The following CSMD3 variants were observed in gnomAD, a reference collection of about 807,000 sequenced individuals.
CSMD3 encodes the protein CUB and Sushi multiple domains 3.
CSMD3 carries 177 observed loss-of-function variants against 435.2 expected under a neutral mutation model. That is an observed-to-expected ratio of 0.41 (90% CI 0.36 to 0.46). The LOEUF is 0.46. Ranked by LOEUF, CSMD3 falls within the 20% of genes least tolerant of loss-of-function variation. The pLI is 0.34. For synonymous variants in CSMD3, 1,656 were observed against 1,520.5 expected (o/e 1.09, Z -2.07); for missense variants, 4,265 against 4,504.6 (o/e 0.95, Z 1.52).
chr8:112,245,424 A>T (rs967388884), intron 64 of CSMD3, among the ~76,000 whole-genome samples: 11 of 150,842 alleles, frequency 7.3e-5, no homozygotes, highest in Middle Eastern at 3.4e-3. Context: ...GTGGATAAAT[A>T]AAAAAAAACA....
intron 22 of CSMD3, among the ~76,000 whole-genome samples, chr8:112,605,917 C>A (rs1445121457): frequency 6.6e-6 from 1 of 152,100 alleles, no homozygotes; most frequent in Non-Finnish European, 1.5e-5. Flanking sequence ...TCCTGCCCTT[C>A]ATTCTAATAA....
At chr8:112,520,496 G>A (rs574716498) in intron 27 of CSMD3, among the ~76,000 whole-genome samples, 30 of 151,946 alleles carry the variant, frequency 2.0e-4, no homozygotes, top group African/African-American at 7.0e-4. Context: ...CCTACTAGTG[G>A]AACTCTGACA....
At chr8:112,413,488 G>C (rs182898929) in intron 32 of CSMD3, among the ~76,000 whole-genome samples, 117 of 152,230 alleles carry the variant, frequency 7.7e-4, no homozygotes, top group Admixed American at 2.6e-3. Flanking sequence ...CATCCCAAAT[G>C]TAAATCAATA....
chr8:113,354,271 G>A (rs1364297899), intron 1 of CSMD3, among the ~76,000 whole-genome samples: 1 of 152,008 alleles, frequency 6.6e-6, no homozygotes, highest in Admixed American at 6.6e-5. Flanking sequence ...ACTTAGTTTT[G>A]TACTCCTGAA....
intron 4 of CSMD3, among the ~76,000 whole-genome samples, chr8:113,142,573 A>G (rs924817723): frequency 7.3e-5 from 11 of 151,322 alleles, no homozygotes; most frequent in African/African-American, 2.2e-4. Context: ...CCAGAGTCAA[A>G]AAACAAAACA....
At chr8:112,829,885 GCA>G (rs57982384) in intron 11 of CSMD3, 96 bp from the exon 12 acceptor site, 25,108 of 597,118 alleles carry the variant, frequency 0.042, 226 homozygotes, top group Middle Eastern at 0.051. Context: ...TTGTCTCTCT[GCA>G]CACACACACA....
intron 41 of CSMD3, among the ~76,000 whole-genome samples, chr8:112,345,219 C>G (rs1825552508): frequency 6.6e-6 from 1 of 152,084 alleles, no homozygotes; most frequent in Non-Finnish European, 1.5e-5. Context: ...ACCACATGTG[C>G]CAACAATCCT....
At chr8:112,541,501 A>G (rs1012935024) in intron 27 of CSMD3, among the ~76,000 whole-genome samples, 3 of 151,768 alleles carry the variant, frequency 2.0e-5, no homozygotes, top group African/African-American at 4.8e-5. Flanking sequence ...ATAACTTAGG[A>G]AAAAAAGTGG....
chr8:112,388,489 A>G (rs1057078516), intron 36 of CSMD3, among the ~76,000 whole-genome samples: 9 of 152,210 alleles, frequency 5.9e-5, no homozygotes, highest in Non-Finnish European at 1.3e-4. Context: ...ACCGAGTAAG[A>G]GTCAGAAAAG....
chr8:113,252,870 G>A (rs547519389), intron 3 of CSMD3, among the ~76,000 whole-genome samples: 1 of 151,986 alleles, frequency 6.6e-6, no homozygotes, highest in Non-Finnish European at 1.5e-5. Flanking sequence ...AGATATTATG[G>A]AAGCCCCACA....
intron 28 of CSMD3, among the ~76,000 whole-genome samples, chr8:112,507,800 T>A (rs927094454): frequency 6.6e-6 from 1 of 152,144 alleles, no homozygotes; most frequent in Non-Finnish European, 1.5e-5. Flanking sequence ...TTTTCCATTG[T>A]CTTTTGTCTG....
rs1412837096 is a variant in CSMD3 at position 112,884,481 on chromosome 8, G to A, written c.1634-25215C>T. On this transcript the variant is annotated intron_variant, in intron 10 of 70. Coordinates refer to ENST00000297405, the MANE Select transcript of CSMD3 (RefSeq NM_198123.2). ...GATTAGATAATTGTTTTGTTATAGA[G>A]GGATGTCTTGTGCATTGCAGAATGC... Among the ~76,000 whole-genome samples, 11 of 151,662 alleles carry A rather than the reference G, an allele frequency of 7.3e-5. No individual in the cohort carries two copies. The South Asian group carries it at 1.7e-3, about 23-fold the overall frequency.
Position 113,010,305 on chromosome 8 carries a change from T to C in CSMD3, c.1030+8762A>G, listed in dbSNP as rs73349953. Among the ~76,000 whole-genome samples the C allele has an allele frequency of 8.3e-3, 1,253 of 151,828 alleles. 30 individuals are homozygous for C. Among genetic ancestry groups the C allele is most frequent in the African/African-American group, 0.029 (1,186 of 41,496 alleles). On this transcript the variant is annotated intron_variant, in intron 6 of 70. Transcript: ENST00000297405. ...GAAACTTTTTATCTAGAAGCTTTCTTGAAAAGGGAAGGAGGAAGTGATATA... is the reference window on the plus strand; with the variant it reads ...GAAACTTTTTATCTAGAAGCTTTCTCGAAAAGGGAAGGAGGAAGTGATATA...
chr8:112,532,080 C>T (rs952638754), intron 27 of CSMD3, among the ~76,000 whole-genome samples: 84 of 150,148 alleles, frequency 5.6e-4, no homozygotes, highest in Admixed American at 3.5e-3. Flanking sequence ...AATTGATGAA[C>T]TGATGAATGC....
intron 38 of CSMD3, among the ~76,000 whole-genome samples, chr8:112,360,268 A>G (rs1827059167): frequency 6.6e-6 from 1 of 151,944 alleles, no homozygotes; most frequent in African/African-American, 2.4e-5. Flanking sequence ...TACTCTATTC[A>G]GGGTCATATA....
intron 1 of CSMD3, among the ~76,000 whole-genome samples, chr8:113,364,413 A>G (rs1212631670): frequency 6.7e-6 from 1 of 149,768 alleles, no homozygotes; most frequent in African/African-American, 2.5e-5. Flanking sequence ...AGAACACTTG[A>G]AAAGAAAAAA....
At chr8:112,849,104 A>G (rs953533080) in intron 11 of CSMD3, among the ~76,000 whole-genome samples, 1 of 152,126 alleles carries the variant, frequency 6.6e-6, no homozygotes, top group Non-Finnish European at 1.5e-5. Context: ...ATTTCTTCCG[A>G]CAATTAAGAC....
chr8:113,061,637 T>C (rs1386127684), intron 5 of CSMD3, among the ~76,000 whole-genome samples: 2 of 152,118 alleles, frequency 1.3e-5, no homozygotes, highest in Non-Finnish European at 2.9e-5. Context: ...TAGGTACCCA[T>C]ATATTTTTGA....
rs567560264 is a variant in CSMD3 at position 112,486,699 on chromosome 8, T to C, written c.5278+5790A>G. Among the ~76,000 whole-genome samples the C allele has an allele frequency of 2.6e-5, 4 of 152,310 alleles. No homozygotes were observed. In the East Asian group the frequency reaches 7.7e-4, roughly 29 times the overall value. On this transcript the variant is annotated intron_variant, in intron 31 of 70. Coordinates refer to ENST00000297405, the MANE Select transcript of CSMD3 (RefSeq NM_198123.2). ...CTTCTTACTTATACTTTTAAAATTC[T>C]GTTTACATATCACTTTCATAAGGAA...
Sources: allele counts gnomAD v4.1 joint callset (sites outside exome capture counted in the v4.1 genomes callset), GRCh38; gene constraint gnomAD v4.1.1; transcripts MANE v1.5; gene names NCBI Gene and HGNC (gene_info 2026-07-23, HGNC 2026-07-21).